CSMD1: variants seen among roughly 807,000 people sequenced by gnomAD.
CSMD1 encodes the protein CUB and Sushi multiple domains 1.
In CSMD1, 213 loss-of-function variants were observed where a neutral mutation model predicts 417.5. The ratio of observed to expected loss-of-function variants is 0.51; its 90% confidence interval spans 0.46 to 0.57. The LOEUF (loss-of-function observed/expected upper bound fraction) is 0.57. CSMD1 is among the 20% of genes least tolerant of loss of function. The pLI, the probability that CSMD1 is intolerant of heterozygous loss-of-function variation, is 0.00. For synonymous variants in CSMD1, 2,862 were observed against 1,736.8 expected, an observed-to-expected ratio of 1.65 and a Z score of -16.11; for missense variants, 6,923 against 4,529.7, an observed-to-expected ratio of 1.53 and a Z score of -15.17.
At chr8:4,829,737 C>CAAAAAAAAAA (rs11290763) in intron 1 of CSMD1, among the ~76,000 whole-genome samples, 1 of 110,002 alleles carries the variant, frequency 9.1e-6, no homozygotes. Flanking sequence ...GACCCTGTCT[C>CAAAAAAAAAA]AAAAAAAAAA....
intron 5 of CSMD1, among the ~76,000 whole-genome samples, chr8:3,804,202 G>T (rs1800607125): frequency 6.6e-6 from 1 of 152,172 alleles, no homozygotes; most frequent in African/African-American, 2.4e-5. Flanking sequence ...GAAGTGTTGG[G>T]ATTACAAGTG....
chr8:4,048,245 G>A (rs900874726), intron 3 of CSMD1, among the ~76,000 whole-genome samples: 2 of 152,186 alleles, frequency 1.3e-5, no homozygotes, highest in African/African-American at 2.4e-5. Context: ...ACTGAGATTA[G>A]AATGAAAAGT....
intron 1 of CSMD1, among the ~76,000 whole-genome samples, chr8:4,940,894 AT>A (rs1321399012): frequency 1.3e-5 from 2 of 152,172 alleles, no homozygotes; most frequent in Non-Finnish European, 2.9e-5. Context: ...TTTTATCACC[AT>A]TTCTTTATTC....
chr8:3,152,883 T>C (rs1819288634), intron 39 of CSMD1, among the ~76,000 whole-genome samples: 1 of 152,186 alleles, frequency 6.6e-6, no homozygotes, highest in African/African-American at 2.4e-5. Flanking sequence ...TACATACATT[T>C]AGCAGTAACA....
At chr8:3,334,751 T>A (rs1056039729) in intron 23 of CSMD1, among the ~76,000 whole-genome samples, 1 of 152,216 alleles carries the variant, frequency 6.6e-6, no homozygotes, top group African/African-American at 2.4e-5. Flanking sequence ...CTTTTTTATT[T>A]CACATTGAAT....
chr8:3,817,383 T>C (rs1242379720), intron 5 of CSMD1, among the ~76,000 whole-genome samples: 9 of 147,652 alleles, frequency 6.1e-5, no homozygotes, highest in African/African-American at 2.0e-4. Flanking sequence ...CAGGTTCAAG[T>C]TATTCTTCTG....
At chr8:4,498,149 G>A (rs2130262038) in intron 2 of CSMD1, among the ~76,000 whole-genome samples, 1 of 152,216 alleles carries the variant, frequency 6.6e-6, no homozygotes, top group South Asian at 2.1e-4. Context: ...AACCTAATCG[G>A]GGAGGGACAC....
intron 10 of CSMD1, among the ~76,000 whole-genome samples, chr8:3,571,980 C>A (rs778479966): frequency 2.0e-5 from 3 of 152,118 alleles, no homozygotes; most frequent in Admixed American, 1.3e-4. Context: ...TAAAGCGCAG[C>A]CTTCCTAAAC....
At chr8:3,768,163 C>T (rs111558993) in intron 5 of CSMD1, among the ~76,000 whole-genome samples, 2,105 of 152,256 alleles carry the variant, frequency 0.014, 57 homozygotes, top group African/African-American at 0.048. Flanking sequence ...GGTAGGAGAA[C>T]TAAAGCCCAG....
intron 3 of CSMD1, among the ~76,000 whole-genome samples, chr8:4,112,000 C>G (rs1257954775): frequency 6.6e-6 from 1 of 151,466 alleles, no homozygotes; most frequent in Non-Finnish European, 1.5e-5. Context: ...TTTGTTTATA[C>G]CAAGTCTTTT....
intron 1 of CSMD1, among the ~76,000 whole-genome samples, chr8:4,639,250 A>AG (rs1803045475): frequency 1.6e-5 from 1 of 63,032 alleles, no homozygotes; most frequent in East Asian, 4.1e-4. Context: ...TGTGGTTGTC[A>AG]ATTTTTTTTT....
intron 3 of CSMD1, among the ~76,000 whole-genome samples, chr8:4,046,971 C>T (rs1164804267): frequency 1.3e-5 from 2 of 152,172 alleles, no homozygotes; most frequent in African/African-American, 2.4e-5. Flanking sequence ...AGATCTCATG[C>T]TCTTTTCTTT....
At chr8:4,633,146 C>G (rs1273002181) in intron 2 of CSMD1, among the ~76,000 whole-genome samples, 4 of 152,128 alleles carry the variant, frequency 2.6e-5, no homozygotes, top group African/African-American at 9.7e-5. Context: ...TGTGAACGCT[C>G]AGGACAGCCT....
At chr8:3,494,567 GATAGATAGA>G (rs1563092035) in intron 10 of CSMD1, among the ~76,000 whole-genome samples, 10 of 109,314 alleles carry the variant, frequency 9.1e-5, no homozygotes, top group African/African-American at 3.3e-4. Context: ...TAGATAGATA[GATAGATAGA>G]TAGATAGATA....
At chr8:3,796,867 T>A (rs1800182873) in intron 5 of CSMD1, among the ~76,000 whole-genome samples, 1 of 151,632 alleles carries the variant, frequency 6.6e-6, no homozygotes, top group African/African-American at 2.4e-5. Flanking sequence ...ATTCTATTGT[T>A]TCTACAAAAA....
intron 11 of CSMD1, 100 bp from the exon 12 acceptor site, chr8:3,468,924 G>C (rs1052415229): frequency 8.8e-6 from 6 of 681,956 alleles, no homozygotes; most frequent in Non-Finnish European, 1.5e-5. Flanking sequence ...CCAAACCCTA[G>C]ATATATAGGT....
At chr8:4,461,834 G>A (rs748231888) in intron 2 of CSMD1, among the ~76,000 whole-genome samples, 2 of 150,654 alleles carry the variant, frequency 1.3e-5, no homozygotes, top group Admixed American at 1.3e-4. Context: ...TCCACCTACG[G>A]GGTTCCCGCC....
At chr8:4,858,766 G>A (rs998376352) in intron 1 of CSMD1, among the ~76,000 whole-genome samples, 5 of 142,054 alleles carry the variant, frequency 3.5e-5, no homozygotes, top group African/African-American at 1.3e-4. Flanking sequence ...AAATAAAAGA[G>A]GATACAAACA....
intron 40 of CSMD1, among the ~76,000 whole-genome samples, chr8:3,149,653 T>G (rs1819071902): frequency 6.7e-6 from 1 of 150,086 alleles, no homozygotes; most frequent in Non-Finnish European, 1.5e-5. Flanking sequence ...AAGTTTTGTA[T>G]TTTTAGTAGA....
Sources: allele counts gnomAD v4.1 joint callset (sites outside exome capture counted in the v4.1 genomes callset), GRCh38; gene constraint gnomAD v4.1.1; transcripts MANE v1.5; gene names NCBI Gene and HGNC (gene_info 2026-07-23, HGNC 2026-07-21).